KCNQ3: variants seen among roughly 807,000 people sequenced by gnomAD.
KCNQ3 encodes the protein potassium voltage-gated channel subfamily KQT member 3.
KCNQ3 carries 30 observed loss-of-function variants against 92.5 expected under a neutral mutation model. The observed-to-expected ratio is 0.32, with a 90% confidence interval of 0.24 to 0.44. The LOEUF (loss-of-function observed/expected upper bound fraction) is 0.44. Among genes scored for constraint, KCNQ3 ranks in the 20% least tolerant of loss-of-function variants. KCNQ3 has a pLI of 1.00. For missense variants in KCNQ3, 913 were observed against 1,140.3 expected (o/e 0.80, Z 2.87); for synonymous variants, 450 against 468.8 (o/e 0.96, Z 0.52).
intron 1 of KCNQ3, among the ~76,000 whole-genome samples, chr8:132,397,252 T>C (rs1404379163): frequency 6.6e-6 from 1 of 152,080 alleles, no homozygotes; most frequent in Non-Finnish European, 1.5e-5. Context: ...TGACATGACC[T>C]ACATCCCCAT....
At chr8:132,310,378 T>C (rs1414275819) in intron 1 of KCNQ3, among the ~76,000 whole-genome samples, 1 of 152,244 alleles carries the variant, frequency 6.6e-6, no homozygotes, top group Non-Finnish European at 1.5e-5. Flanking sequence ...AGCATGAATC[T>C]ATTGACCACA....
intron 1 of KCNQ3, among the ~76,000 whole-genome samples, chr8:132,314,863 A>T (rs16904654): frequency 0.046 from 6,931 of 152,310 alleles, 282 homozygotes; most frequent in Admixed American, 0.12. Flanking sequence ...TGAACTAGCA[A>T]GGTAATATTC....
intron 1 of KCNQ3, among the ~76,000 whole-genome samples, chr8:132,343,170 C>T (rs368804497): frequency 2.6e-5 from 4 of 152,240 alleles, no homozygotes; most frequent in African/African-American, 9.6e-5. Flanking sequence ...TGGTGAATCA[C>T]AGTGTTCAAT....
intron 9 of KCNQ3, among the ~76,000 whole-genome samples, chr8:132,142,053 C>A (rs1328651813): frequency 6.6e-6 from 1 of 152,152 alleles, no homozygotes; most frequent in Non-Finnish European, 1.5e-5. Flanking sequence ...TGGTGGTATT[C>A]AATCTGCCAC....
At chr8:132,447,403 G>A (rs1306923809) in intron 1 of KCNQ3, 2 of 687,818 alleles carry the variant, frequency 2.9e-6, no homozygotes, top group Non-Finnish European at 5.0e-6. Flanking sequence ...CAAGAAAGAA[G>A]AAAAGGAAGA....
chr8:132,303,599 A>ATATATAT, intron 1 of KCNQ3, among the ~76,000 whole-genome samples: 1 of 28,154 alleles, frequency 3.6e-5, no homozygotes, highest in East Asian at 2.6e-3. Flanking sequence ...GTATATATAT[A>ATATATAT]TGGTGTGTAT....
chr8:132,213,000 A>G (rs1320049000), intron 1 of KCNQ3, among the ~76,000 whole-genome samples: 1 of 152,210 alleles, frequency 6.6e-6, no homozygotes, highest in African/African-American at 2.4e-5. Context: ...ACTAGAGTTC[A>G]GGACACCTGC....
intron 1 of KCNQ3, among the ~76,000 whole-genome samples, chr8:132,186,840 C>G (rs937118687): frequency 1.4e-4 from 22 of 151,804 alleles, no homozygotes; most frequent in African/African-American, 5.1e-4. Flanking sequence ...TGGTTCATGA[C>G]CAGGCTCAGG....
rs1430953546 is a variant in KCNQ3 at position 132,272,238 on chromosome 8, C to A, written c.387-86057G>T. Among the ~76,000 whole-genome samples the A allele has an allele frequency of 2.0e-5, 3 of 152,340 alleles. No homozygotes were observed. In the East Asian group the frequency reaches 5.8e-4, roughly 29 times the overall value. Reference sequence around the variant, plus strand: ...TAACAGTAATGTGATAGTTCTCAGACCTTCCCTACCCTGCCATTGGCAGTA... The same window carrying A: ...TAACAGTAATGTGATAGTTCTCAGAACTTCCCTACCCTGCCATTGGCAGTA... On this transcript the variant is annotated intron_variant, in intron 1 of 14. Coordinates refer to ENST00000388996, the MANE Select transcript of KCNQ3 (RefSeq NM_004519.4).
intron 10 of KCNQ3, chr8:132,140,834 A>G (rs894160194): frequency 2.2e-6 from 1 of 451,776 alleles, no homozygotes; most frequent in Non-Finnish European, 4.1e-6. Flanking sequence ...TGACCTCCAT[A>G]ACAATCCAAT....
intron 1 of KCNQ3, among the ~76,000 whole-genome samples, chr8:132,207,644 T>A: frequency 6.6e-6 from 1 of 152,112 alleles, no homozygotes; most frequent in Non-Finnish European, 1.5e-5. Context: ...GGAGACTTTT[T>A]TCACTCAGAT....
In KCNQ3 at chr8:132,129,382, G is replaced by A. The variant is rs773301064; in HGVS notation, c.2499C>T (p.Leu833=). The change falls in exon 15 of 15, where the codon CTC becomes CTT. Residue 833 remains leucine (L), a synonymous_variant. Coordinates refer to ENST00000388996, the MANE Select transcript of KCNQ3 (RefSeq NM_004519.4). This position sits in a 1 kb window ranked among gnomAD's most constrained non-coding sequence, Gnocchi z 5.9. ...GSSWMREKRY[L]AEGETDTDTD... ...TGTCTGTGTCCGTCTCACCCTCGGC[G>A]AGGTACCGCTTCTCCCTCATCCAGC... 25 of 1,614,076 alleles carry A rather than the reference G, an allele frequency of 1.5e-5. No individual in the cohort carries two copies. The African/African-American group carries it at 2.0e-4, about 13-fold the overall frequency.
intron 9 of KCNQ3, among the ~76,000 whole-genome samples, chr8:132,153,219 G>A (rs150922999): frequency 3.9e-5 from 6 of 152,252 alleles, no homozygotes; most frequent in Non-Finnish European, 7.3e-5. Context: ...TGCAAATCCC[G>A]CCAGATGACA....
rs550979423 is a variant in KCNQ3 at position 132,175,778 on chromosome 8, A to C, written c.778-170T>G. Among the ~76,000 whole-genome samples, 11 of 152,302 alleles carry C rather than the reference A, an allele frequency of 7.2e-5. No homozygotes were observed. In the South Asian group the frequency reaches 2.3e-3, roughly 32 times the overall value. On this transcript the variant is annotated intron_variant, in intron 4 of 14. Coordinates refer to ENST00000388996, the MANE Select transcript of KCNQ3 (RefSeq NM_004519.4). ...CCATCACTGTAAAATGGGATCATTAACATGGTAGTTATTTCATCATTAATT... is the reference window on the plus strand; with the variant it reads ...CCATCACTGTAAAATGGGATCATTACCATGGTAGTTATTTCATCATTAATT...
chr8:132,244,138 G>A (rs950412186), intron 1 of KCNQ3, among the ~76,000 whole-genome samples: 1 of 152,180 alleles, frequency 6.6e-6, no homozygotes, highest in Non-Finnish European at 1.5e-5. Flanking sequence ...ATAGTTCAGA[G>A]TTCTGAAACT....
At chr8:132,163,429 C>T (rs1271848227) in intron 9 of KCNQ3, 39 bp downstream of exon 9, 53 of 1,574,078 alleles carry the variant, frequency 3.4e-5, no homozygotes, top group Non-Finnish European at 4.5e-5. Flanking sequence ...TGTCTTGACA[C>T]AGAGATGTGA....
rs11341211 is a variant in KCNQ3, at chr8:132,207,705, C to CT, written c.387-21525dup. Among the ~76,000 whole-genome samples, 371 of 146,180 alleles carry CT rather than the reference C, an allele frequency of 2.5e-3. 2 individuals are homozygous for CT. Among genetic ancestry groups the CT allele is most frequent in the African/African-American group, 5.0e-3 (200 of 40,084 alleles). On this transcript the variant is annotated intron_variant, in intron 1 of 14. Transcript: ENST00000388996. ...AACTGAAAGGTGTAAACATCTCAGA[C>CT]TTTTTTTTTTTTATCCCATTAGCAC... is the stretch of plus-strand genomic sequence containing the variant.
intron 1 of KCNQ3, among the ~76,000 whole-genome samples, chr8:132,418,297 A>G (rs946198040): frequency 2.0e-5 from 3 of 152,310 alleles, no homozygotes; most frequent in African/African-American, 7.2e-5. Flanking sequence ...TCTGTGACAG[A>G]GCTGAGGAAA....
At chr8:132,413,324 C>G (rs1204917112) in intron 1 of KCNQ3, among the ~76,000 whole-genome samples, 1 of 152,228 alleles carries the variant, frequency 6.6e-6, no homozygotes, top group Admixed American at 6.5e-5. Flanking sequence ...CTTTGTGTTT[C>G]TCAAAATCCT....
Sources: gnomAD v4.1 joint callset for allele counts (sites outside exome capture counted in the v4.1 genomes callset) on GRCh38, gnomAD v4.1.1 for gene constraint, Gnocchi (gnomAD v3.1) non-coding constraint, MANE v1.5 for transcripts, NCBI Gene and HGNC (gene_info 2026-07-23, HGNC 2026-07-21) for gene names.